The following GBF1 variants were observed in gnomAD, a reference collection of about 807,000 sequenced individuals.
GBF1 encodes the protein golgi brefeldin A resistant guanine nucleotide exchange factor 1, also known as Golgi-specific brefeldin A-resistance guanine nucleotide exchange factor 1.
A neutral mutation model predicts 210.5 loss-of-function variants in GBF1; 114 were observed. That is an observed-to-expected ratio of 0.54 (90% CI 0.47 to 0.63). The LOEUF (loss-of-function observed/expected upper bound fraction) is 0.63. GBF1 is among the 30% of genes least tolerant of loss of function. The pLI is 0.00. For missense variants in GBF1, 1,851 were observed against 2,357.7 expected (o/e 0.79, Z 4.45); for synonymous variants, 850 against 889.2 (o/e 0.96, Z 0.78).
intron 4 of GBF1, among the ~76,000 whole-genome samples, chr10:102,348,784 G>A (rs1415924502): frequency 6.6e-6 from 1 of 152,210 alleles, no homozygotes; most frequent in Non-Finnish European, 1.5e-5. Context: ...TGGTGTCGGA[G>A]GCTAATGAGG....
At chr10:102,379,981 C>T (rs763886848) in intron 36 of GBF1, 27 bp downstream of exon 36, 1 of 1,441,384 alleles carries the variant, frequency 6.9e-7, no homozygotes, top group Non-Finnish European at 9.7e-7. Flanking sequence ...TATACCCACC[C>T]TCTCTCCCAT....
chr10:102,317,395 G>A (rs1023409824), intron 3 of GBF1, among the ~76,000 whole-genome samples: 1 of 152,166 alleles, frequency 6.6e-6, no homozygotes, highest in Non-Finnish European at 1.5e-5. Context: ...AAGGTGGGTG[G>A]ATCACCTGAG....
rs766816877 is a variant in GBF1 at position 102,353,691 on chromosome 10, A to G, written c.639+37A>G. ...GAGCTGATCTGCTGTCCCTCATCCAAACCTTAATCTCCCAACTTCAGTGCC... is the reference window on the plus strand; with the variant it reads ...GAGCTGATCTGCTGTCCCTCATCCAGACCTTAATCTCCCAACTTCAGTGCC... On this transcript the variant is annotated intron_variant, in intron 8 of 39. Coordinates refer to ENST00000369983, the MANE Select transcript of GBF1 (RefSeq NM_001377137.1). 4 of 1,485,886 alleles carry G rather than the reference A, an allele frequency of 2.7e-6. No individual in the cohort carries two copies. In the South Asian group the frequency reaches 4.5e-5, roughly 17 times the overall value. 92.0% of individuals were successfully genotyped at this position (1,485,886 alleles called of 1,614,324 possible).
chr10:102,361,157 A>G, intron 13 of GBF1, 37 bp downstream of exon 13: 1 of 1,069,266 alleles, frequency 9.4e-7, no homozygotes, highest in South Asian at 1.2e-5. Context: ...GGGGGAAAAA[A>G]AATAGGGAGA....
intron 1 of GBF1, among the ~76,000 whole-genome samples, chr10:102,251,853 G>T (rs925220523): frequency 4.0e-5 from 6 of 151,896 alleles, no homozygotes; most frequent in Non-Finnish European, 8.8e-5. Context: ...ACTGTCCCCA[G>T]CCAAGATATG....
chr10:102,360,439 C>T, intron 12 of GBF1, 44 bp downstream of exon 12: 1 of 1,293,822 alleles, frequency 7.7e-7, no homozygotes, highest in Non-Finnish European at 1.1e-6. Flanking sequence ...CTTTCAAGGG[C>T]CAGGGGAACA....
intron 17 of GBF1, among the ~76,000 whole-genome samples, chr10:102,364,217 C>CTTTTT (rs1031275118): frequency 9.4e-4 from 63 of 66,932 alleles, no homozygotes; most frequent in East Asian, 2.0e-3. Context: ...CTTTGGATTT[C>CTTTTT]TTTTTTTTTT....
chr10:102,290,858 T>G (rs533885535), intron 3 of GBF1, among the ~76,000 whole-genome samples: 1 of 152,310 alleles, frequency 6.6e-6, no homozygotes, highest in Non-Finnish European at 1.5e-5. Context: ...GTAGAGTGGG[T>G]TTTGTAGCTA....
At chr10:102,268,357 G>C (rs1302419117) in intron 3 of GBF1, among the ~76,000 whole-genome samples, 4 of 152,166 alleles carry the variant, frequency 2.6e-5, no homozygotes, top group Non-Finnish European at 5.9e-5. Context: ...GTAAAAAGAG[G>C]GAAAAGCATT....
chr10:102,240,083 T>G, the GBF1 span, among the ~76,000 whole-genome samples: 2 of 152,234 alleles, frequency 1.3e-5, no homozygotes, highest in African/African-American at 4.8e-5. Flanking sequence ...AGTTTTCTCT[T>G]CTGGCCTGGG....
chr10:102,334,990 T>G (rs1194125255), intron 3 of GBF1, among the ~76,000 whole-genome samples: 1 of 152,118 alleles, frequency 6.6e-6, no homozygotes, highest in Non-Finnish European at 1.5e-5. Flanking sequence ...TGTCATAATA[T>G]GGGGAGTGAA....
Position 102,287,344 on chromosome 10 carries a change from CTTTTTTTTT to C in GBF1, c.163+27247_163+27255del, listed in dbSNP as rs763880492. Among the ~76,000 whole-genome samples, 169 of 69,528 alleles carry C rather than the reference CTTTTTTTTT, an allele frequency of 2.4e-3. 2 individuals carry two copies. Among genetic ancestry groups the C allele is most frequent in the Non-Finnish European group, 2.8e-3 (111 of 40,276 alleles). The allele number at this position is 69,528 out of a possible 152,430, so 45.6% of individuals were successfully genotyped here. A position where few individuals can be genotyped will look rare whatever the true frequency, so the allele number is the denominator to read the frequency against. Reference sequence around the variant, plus strand: ...CACACAGTTTCTTTTATTTTATTTTCTTTTTTTTTTTTTTTTTTTTTTTTTTTGAGATGA... The same window carrying C: ...CACACAGTTTCTTTTATTTTATTTTCTTTTTTTTTTTTTTTTTTGAGATGA... On this transcript the variant is annotated intron_variant, in intron 3 of 39. Transcript: ENST00000369983.
At chr10:102,259,116 C>T in intron 2 of GBF1, 82 bp downstream of exon 2, 1 of 779,066 alleles carries the variant, frequency 1.3e-6, no homozygotes, top group Non-Finnish European at 2.3e-6. Flanking sequence ...TAATCAAATT[C>T]CTAGTAATAA....
At chr10:102,283,797 A>C (rs1038066739) in intron 3 of GBF1, among the ~76,000 whole-genome samples, 10 of 152,260 alleles carry the variant, frequency 6.6e-5, no homozygotes, top group African/African-American at 2.4e-4. Flanking sequence ...AACAGGAGAC[A>C]GTGAAGTACC....
At chr10:102,381,359 C>T (rs1341576581) in intron 39 of GBF1, 104 bp downstream of exon 39, 120 of 1,220,746 alleles carry the variant, frequency 9.8e-5, no homozygotes, top group Non-Finnish European at 1.2e-4. Flanking sequence ...GTCTGTGAGC[C>T]GAGGGAAGAA....
chr10:102,351,651 G>A (rs1400360361), intron 5 of GBF1, among the ~76,000 whole-genome samples, 192 bp from the exon 6 acceptor site: 2 of 152,144 alleles, frequency 1.3e-5, no homozygotes, highest in African/African-American at 4.8e-5. Context: ...TGGGCTCATG[G>A]GCTAGGGCTA....
At chr10:102,285,175 C>G (rs75450616) in intron 3 of GBF1, among the ~76,000 whole-genome samples, 2 of 152,130 alleles carry the variant, frequency 1.3e-5, no homozygotes, top group Non-Finnish European at 2.9e-5. Flanking sequence ...TAGACAGGGT[C>G]GAATTCTGAC....
chr10:102,287,510 T>C (rs2076066815), intron 3 of GBF1, among the ~76,000 whole-genome samples: 1 of 152,002 alleles, frequency 6.6e-6, no homozygotes. Context: ...TTTCTAAGGG[T>C]CAGGAATCTG....
intron 3 of GBF1, among the ~76,000 whole-genome samples, chr10:102,295,743 C>T (rs1365531721): frequency 6.6e-6 from 1 of 151,872 alleles, no homozygotes; most frequent in East Asian, 1.9e-4. Flanking sequence ...GTGGGTAAAA[C>T]CTTGTCTCCT....
Sources: gnomAD v4.1 joint callset for allele counts (sites outside exome capture counted in the v4.1 genomes callset) on GRCh38, gnomAD v4.1.1 for gene constraint, MANE v1.5 for transcripts, NCBI Gene and HGNC (gene_info 2026-07-23, HGNC 2026-07-21) for gene names.